Variants in PRIM2 observed in about 807,000 individuals in gnomAD.
PRIM2 encodes DNA primase subunit 2.
In PRIM2, 39 loss-of-function variants were observed where a neutral mutation model predicts 67.3. The ratio of observed to expected loss-of-function variants is 0.58; its 90% CI spans 0.45 to 0.76. The LOEUF (loss-of-function observed/expected upper bound fraction) is 0.76. Among genes scored for constraint, PRIM2 ranks in the 30% least tolerant of loss-of-function variants. PRIM2 has a pLI of 0.00. For synonymous variants in PRIM2, 143 were observed against 198.7 expected (o/e 0.72, Z 2.36); for missense variants, 398 against 598.7 (o/e 0.66, Z 3.50).
chr6:57,612,234 A>G (rs1459565403), intron 12 of PRIM2, among the ~76,000 whole-genome samples: 149,966 of 152,250 alleles, frequency 0.98, 73,872 homozygotes, highest in East Asian at 1. Context: ...CCTGTAACTA[A>G]TATTTATAGA....
chr6:57,423,884 G>A (rs1217023393), intron 7 of PRIM2, among the ~76,000 whole-genome samples: 6 of 152,174 alleles, frequency 3.9e-5, no homozygotes, highest in Non-Finnish European at 8.8e-5. Context: ...GTCTAAAGGT[G>A]GAATTGCATC....
At chr6:57,607,152 A>G (rs1306831335) in intron 12 of PRIM2, among the ~76,000 whole-genome samples, 2 of 152,220 alleles carry the variant, frequency 1.3e-5, no homozygotes, top group Non-Finnish European at 2.9e-5. Flanking sequence ...TATATATTTT[A>G]GAGTTAGACC....
chr6:57,341,875 T>A (rs566932050), intron 5 of PRIM2, among the ~76,000 whole-genome samples: 1 of 152,298 alleles, frequency 6.6e-6, no homozygotes, highest in Admixed American at 6.5e-5. Flanking sequence ...TCACAGAAGC[T>A]GGATTGTTGG....
intron 7 of PRIM2, among the ~76,000 whole-genome samples, chr6:57,468,443 G>A (rs1360715051): frequency 8.5e-5 from 13 of 152,212 alleles, no homozygotes; most frequent in South Asian, 4.2e-4. Context: ...ATTGATTTTC[G>A]TGTGTTGAAC....
chr6:57,351,253 G>T (rs1040930517), intron 5 of PRIM2, among the ~76,000 whole-genome samples: 1 of 151,790 alleles, frequency 6.6e-6, no homozygotes, highest in Non-Finnish European at 1.5e-5. Flanking sequence ...AATCTGAAAT[G>T]CTCCAGTGAG....
chr6:57,360,546 T>G (rs1769162775), intron 5 of PRIM2, among the ~76,000 whole-genome samples: 1 of 152,160 alleles, frequency 6.6e-6, no homozygotes, highest in Non-Finnish European at 1.5e-5. Context: ...ATAATACCCT[T>G]TTGTGTTGGC....
the PRIM2 span, among the ~76,000 whole-genome samples, chr6:57,284,308 C>A: frequency 1.3e-5 from 2 of 152,176 alleles, no homozygotes; most frequent in South Asian, 4.1e-4. Flanking sequence ...CAAGTTTGGT[C>A]TTTGCATTTA....
the PRIM2 span, among the ~76,000 whole-genome samples, chr6:57,229,273 A>G: frequency 6.6e-6 from 1 of 152,104 alleles, no homozygotes; most frequent in Non-Finnish European, 1.5e-5. Context: ...TTCTGGCTTT[A>G]TTATGTGAAA....
chr6:57,392,677 ATTAT>A (rs1770393872), intron 7 of PRIM2, among the ~76,000 whole-genome samples: 1 of 151,326 alleles, frequency 6.6e-6, no homozygotes, highest in Non-Finnish European at 1.5e-5. Context: ...ATTTATTTTT[ATTAT>A]TTTTAATTTT....
chr6:57,289,734 C>T, the PRIM2 span, among the ~76,000 whole-genome samples: 1 of 152,058 alleles, frequency 6.6e-6, no homozygotes, highest in Non-Finnish European at 1.5e-5. Context: ...GAAATAAAAT[C>T]CTTTACAGAC....
At chr6:57,417,270 A>G in intron 7 of PRIM2, among the ~76,000 whole-genome samples, 1 of 151,978 alleles carries the variant, frequency 6.6e-6, no homozygotes, top group African/African-American at 2.4e-5. Flanking sequence ...CCTGGCCTTC[A>G]CTTTCATATC....
intron 10 of PRIM2, among the ~76,000 whole-genome samples, chr6:57,556,841 A>G (rs1487827874): frequency 2.6e-5 from 4 of 151,988 alleles, no homozygotes; most frequent in Non-Finnish European, 4.4e-5. Flanking sequence ...TAAACAGACA[A>G]CCTACCAAAT....
intron 7 of PRIM2, among the ~76,000 whole-genome samples, chr6:57,468,649 G>A (rs1773263515): frequency 6.6e-6 from 1 of 152,120 alleles, no homozygotes; most frequent in Admixed American, 6.5e-5. Flanking sequence ...CTCATAATAT[G>A]GCCCAGGGGT....
intron 13 of PRIM2, among the ~76,000 whole-genome samples, chr6:57,635,632 C>T (rs1194719746): frequency 0.21 from 31,903 of 152,072 alleles, 3,631 homozygotes; most frequent in African/African-American, 0.28. Context: ...ATATAAATCT[C>T]TAGAGAAATC....
intron 5 of PRIM2, among the ~76,000 whole-genome samples, chr6:57,345,813 T>A (rs1181440506): frequency 6.6e-6 from 1 of 152,204 alleles, no homozygotes; most frequent in East Asian, 1.9e-4. Context: ...CTTGATCATA[T>A]GCTAAACAAG....
At chr6:57,399,012 G>C (rs72871661) in intron 7 of PRIM2, among the ~76,000 whole-genome samples, 5 of 151,510 alleles carry the variant, frequency 3.3e-5, no homozygotes, top group Non-Finnish European at 5.9e-5. Flanking sequence ...AGATATTCCT[G>C]TATCCCTTTA....
At chr6:57,583,101 T>C (rs1447388263) in intron 10 of PRIM2, among the ~76,000 whole-genome samples, 2 of 150,634 alleles carry the variant, frequency 1.3e-5, no homozygotes, top group Non-Finnish European at 3.0e-5. Flanking sequence ...TCCATGTCCC[T>C]ACAAAGGACA....
chr6:57,268,432 A>G, the PRIM2 span, among the ~76,000 whole-genome samples: 1 of 152,196 alleles, frequency 6.6e-6, no homozygotes, highest in Non-Finnish European at 1.5e-5. Context: ...ATCACATGAC[A>G]TCAAAATGTC....
intron 10 of PRIM2, among the ~76,000 whole-genome samples, chr6:57,568,799 G>A (rs2127480756): frequency 6.6e-6 from 1 of 152,312 alleles, no homozygotes; most frequent in East Asian, 1.9e-4. Context: ...CAACTATGCT[G>A]GTTAAAGCCT....
Sources: gnomAD v4.1 joint callset for allele counts (sites outside exome capture counted in the v4.1 genomes callset) on GRCh38, gnomAD v4.1.1 for gene constraint, MANE v1.5 for transcripts, NCBI Gene and HGNC (gene_info 2026-07-23, HGNC 2026-07-21) for gene names.